MYO5B: variants seen among roughly 807,000 people sequenced by gnomAD.
The protein encoded by MYO5B is unconventional myosin-Vb.
MYO5B carries 143 observed loss-of-function variants against 229.3 expected under a neutral mutation model. The observed-to-expected ratio is 0.62, with a 90% CI of 0.54 to 0.72. The LOEUF (loss-of-function observed/expected upper bound fraction) is 0.72. MYO5B is among the 30% of genes least tolerant of loss of function. The pLI, the probability that MYO5B is intolerant of heterozygous loss-of-function variation, is 0.00. For synonymous variants in MYO5B, 918 were observed against 885.2 expected (o/e 1.04, Z -0.66); for missense variants, 2,321 against 2,331.0 (o/e 1.00, Z 0.09).
intron 1 of MYO5B, among the ~76,000 whole-genome samples, chr18:50,193,080 C>A (rs2033250240): frequency 6.6e-6 from 1 of 152,364 alleles, no homozygotes; most frequent in East Asian, 1.9e-4. Context: ...GCTCTTTGAG[C>A]ACTCCAGTTC....
intron 4 of MYO5B, among the ~76,000 whole-genome samples, chr18:50,035,549 T>C (rs2026439334): frequency 2.0e-5 from 3 of 152,202 alleles, no homozygotes; most frequent in Admixed American, 2.0e-4. Flanking sequence ...CAGAAACTCA[T>C]GCGCAGGCTG....
chr18:50,180,987 T>C (rs2033065938), intron 1 of MYO5B, among the ~76,000 whole-genome samples: 1 of 152,214 alleles, frequency 6.6e-6, no homozygotes. Context: ...CCTCCTTATC[T>C]TTCATTCACT....
intron 11 of MYO5B, 21 bp from the exon 12 acceptor site, chr18:49,962,427 A>T (rs190838455): frequency 2.5e-6 from 4 of 1,613,960 alleles, no homozygotes; most frequent in Non-Finnish European, 3.4e-6. Flanking sequence ...TAAAAAGGTC[A>T]CACGAGTGAA....
chr18:49,875,659 A>G (rs770927623), intron 26 of MYO5B, 28 bp downstream of exon 26: 24 of 1,613,820 alleles, frequency 1.5e-5, no homozygotes, highest in Middle Eastern at 3.3e-4. Flanking sequence ...TCCAAGCACC[A>G]TAAGAGCACT....
chr18:50,011,138 C>T (rs1258737600), intron 4 of MYO5B, among the ~76,000 whole-genome samples: 1 of 152,146 alleles, frequency 6.6e-6, no homozygotes, highest in Non-Finnish European at 1.5e-5. Flanking sequence ...GTCAGGAGAT[C>T]GAGACCATCC....
chr18:49,880,966 C>T (rs1217634), intron 22 of MYO5B, among the ~76,000 whole-genome samples: 92,510 of 152,036 alleles, frequency 0.61, 28,173 homozygotes, highest in Middle Eastern at 0.68. Context: ...GAGAATGCAG[C>T]TGTGCAAGCC....
intron 1 of MYO5B, among the ~76,000 whole-genome samples, chr18:50,084,117 A>C (rs909727506): frequency 2.1e-4 from 32 of 152,208 alleles, no homozygotes; most frequent in African/African-American, 7.7e-4. Context: ...CCTAGTTGCT[A>C]ACATTTAGCA....
chr18:49,877,694 A>G, intron 25 of MYO5B, 69 bp downstream of exon 25: 1 of 1,606,122 alleles, frequency 6.2e-7, no homozygotes, highest in Non-Finnish European at 8.5e-7. Context: ...TCTCTTGGAC[A>G]GTTCCACACA....
Position 49,826,278 on chromosome 18 carries a change from A to G in MYO5B, c.*193T>C. ...AATCTTCCATATTTCAAGTGTTTTT[A>G]TTCTGAGCAGTAGGTACAAAAAATA... On this transcript the variant is annotated 3_prime_UTR_variant, in exon 40 of 40. Transcript: ENST00000285039. 1.5e-6 allele frequency: 1 copy of G among 663,938 alleles called. No individual in the cohort carries two copies. Among genetic ancestry groups the G allele is most frequent in the Non-Finnish European group, 2.5e-6 (1 of 394,806 alleles). 41.1% of individuals were successfully genotyped at this position (663,938 alleles called of 1,614,324 possible).
At chr18:49,950,093 A>C (rs535029654) in intron 14 of MYO5B, among the ~76,000 whole-genome samples, 1 of 152,298 alleles carries the variant, frequency 6.6e-6, no homozygotes, top group South Asian at 2.1e-4. Context: ...GAGACGTCTG[A>C]AACAGGCTAG....
rs77397458 is a variant in MYO5B at position 49,958,817 on chromosome 18, G to A, written c.1545+3449C>T. Among the ~76,000 whole-genome samples the A allele has an allele frequency of 3.6e-4, 55 of 152,298 alleles. 1 individual carries two copies. In the East Asian group the frequency reaches 7.9e-3, roughly 22 times the overall value. On this transcript the variant is annotated intron_variant, in intron 12 of 39. Coordinates refer to ENST00000285039, the MANE Select transcript of MYO5B (RefSeq NM_001080467.3). ...CCCTCTCCCTGCTGAGCTCCTGGAAGCCCTGGTTCTCTCCTGCCTGGCCTA... is the reference window on the plus strand; with the variant it reads ...CCCTCTCCCTGCTGAGCTCCTGGAAACCCTGGTTCTCTCCTGCCTGGCCTA...
intron 4 of MYO5B, among the ~76,000 whole-genome samples, chr18:50,030,825 T>C (rs1419183376): frequency 7.8e-6 from 1 of 127,626 alleles, no homozygotes; most frequent in Non-Finnish European, 1.6e-5. Flanking sequence ...CTGTATTACC[T>C]TGGTTACCTG....
At chr18:50,013,977 C>T (rs1224113615) in intron 4 of MYO5B, among the ~76,000 whole-genome samples, 1 of 152,170 alleles carries the variant, frequency 6.6e-6, no homozygotes, top group East Asian at 1.9e-4. Flanking sequence ...TGCTGAGTCA[C>T]CATGGACAAG....
chr18:50,015,897 T>C (rs761518059), intron 4 of MYO5B, among the ~76,000 whole-genome samples: 74 of 152,218 alleles, frequency 4.9e-4, no homozygotes, highest in Non-Finnish European at 9.3e-4. Flanking sequence ...CTGGAACATA[T>C]TAAGATTCTT....
At chr18:50,074,520 C>G (rs1174445650) in intron 1 of MYO5B, among the ~76,000 whole-genome samples, 1 of 152,228 alleles carries the variant, frequency 6.6e-6, no homozygotes, top group Non-Finnish European at 1.5e-5. Context: ...TCATCTCTTT[C>G]CATCCAGCAC....
rs748566298 is a variant in MYO5B, at chr18:49,954,354, T to C, written c.1627A>G (p.Met543Val). The C allele has an allele frequency of 6.2e-7, 1 of 1,614,032 alleles. No homozygotes were observed. The highest frequency in any genetic ancestry group is 8.5e-7 in the Non-Finnish European group (1 of 1,179,974). The change falls in exon 13 of 40, where the codon ATG (methionine) becomes GTG (valine). Residue 543 changes from methionine to valine, a missense_variant. Met to Val is a conservative substitution (Grantham distance 21). Transcript: ENST00000285039. ...SSSQHFQKPRMSNTAFIIVHF... is the reference protein window; with the variant it reads ...SSSQHFQKPRVSNTAFIIVHF... ...ACGATGATGAAGGCCGTGTTGGACA[T>C]GCGGGGCTTCTGGAAGTGCTGGCTG...
chr18:49,995,568 G>C (rs1041183882), intron 5 of MYO5B, among the ~76,000 whole-genome samples: 28 of 152,114 alleles, frequency 1.8e-4, no homozygotes, highest in African/African-American at 6.5e-4. Flanking sequence ...TAAAAGCAGG[G>C]AGAAGCCTCT....
At chr18:50,028,450 G>A (rs1296997303) in intron 4 of MYO5B, among the ~76,000 whole-genome samples, 1 of 152,150 alleles carries the variant, frequency 6.6e-6, no homozygotes, top group African/African-American at 2.4e-5. Context: ...CCAGATAGGA[G>A]AGTGTCTGAA....
chr18:49,849,819 C>T, intron 31 of MYO5B, 159 bp from the exon 32 acceptor site: 1 of 700,110 alleles, frequency 1.4e-6, no homozygotes, highest in Non-Finnish European at 2.6e-6. Flanking sequence ...TCTTCACAGG[C>T]TGTTGCCACC....
Sources: allele counts gnomAD v4.1 joint callset (sites outside exome capture counted in the v4.1 genomes callset), GRCh38; gene constraint gnomAD v4.1.1; transcripts MANE v1.5; gene names NCBI Gene and HGNC (gene_info 2026-07-23, HGNC 2026-07-21).